The following LYPLAL1 variants were observed in gnomAD, a reference collection of about 807,000 sequenced individuals.
LYPLAL1 encodes lysophospholipase like 1, also known as lysophospholipase-like protein 1.
In LYPLAL1, 23 loss-of-function variants were observed where a neutral mutation model predicts 19.7. That is an observed-to-expected ratio of 1.17 (90% CI 0.84 to 1.65). The LOEUF (loss-of-function observed/expected upper bound fraction) is 1.65. Ranked by LOEUF, LYPLAL1 falls within the 40% of genes most tolerant of loss-of-function variation. The pLI is 0.00. For missense variants in LYPLAL1, 355 were observed against 279.4 expected, an observed-to-expected ratio of 1.27 and a Z score of -1.93; for synonymous variants, 119 against 96.3, an observed-to-expected ratio of 1.24 and a Z score of -1.38.
chr1:219,422,823 G>A, the LYPLAL1 span, among the ~76,000 whole-genome samples: 1 of 152,096 alleles, frequency 6.6e-6, no homozygotes, highest in African/African-American at 2.4e-5. Flanking sequence ...CTTAGGATAT[G>A]GAGTTACAGA....
the LYPLAL1 span, among the ~76,000 whole-genome samples, chr1:219,337,108 TG>T: frequency 1.8e-4 from 27 of 151,842 alleles, 1 homozygote; most frequent in South Asian, 5.6e-3. Context: ...CCTTAACTTC[TG>T]AATATCCTGC....
chr1:219,296,920 G>C, the LYPLAL1 span, among the ~76,000 whole-genome samples: 1 of 152,188 alleles, frequency 6.6e-6, no homozygotes, highest in African/African-American at 2.4e-5. Context: ...TCTTAAGCCA[G>C]GGTCTTTGGA....
chr1:219,425,668 T>C, the LYPLAL1 span, among the ~76,000 whole-genome samples: 1 of 152,182 alleles, frequency 6.6e-6, no homozygotes, highest in Non-Finnish European at 1.5e-5. Flanking sequence ...GAATTTAGTA[T>C]AGGACCTGGC....
chr1:219,215,713 G>A (rs1471850253), downstream of LYPLAL1, among the ~76,000 whole-genome samples: 1 of 152,098 alleles, frequency 6.6e-6, no homozygotes, highest in Non-Finnish European at 1.5e-5. Flanking sequence ...TCCCCTCCCT[G>A]TACTGTGGAC....
At chr1:219,259,613 G>A in the LYPLAL1 span, among the ~76,000 whole-genome samples, 1 of 151,364 alleles carries the variant, frequency 6.6e-6, no homozygotes, top group Non-Finnish European at 1.5e-5. Flanking sequence ...GCATAAGAAT[G>A]ATATAATGAA....
At chr1:219,356,463 G>C in the LYPLAL1 span, among the ~76,000 whole-genome samples, 5 of 152,276 alleles carry the variant, frequency 3.3e-5, no homozygotes, top group African/African-American at 1.2e-4. Flanking sequence ...TCACACCATT[G>C]CACTCCAGCC....
chr1:219,330,296 A>G, the LYPLAL1 span, among the ~76,000 whole-genome samples: 1 of 152,300 alleles, frequency 6.6e-6, no homozygotes, highest in African/African-American at 2.4e-5. Context: ...CTATAGAATA[A>G]GGGTGAGATA....
chr1:219,387,228 T>C, the LYPLAL1 span, among the ~76,000 whole-genome samples: 3 of 152,350 alleles, frequency 2.0e-5, no homozygotes, highest in East Asian at 5.8e-4. Flanking sequence ...TACACTTACC[T>C]ACCTAATTAT....
chr1:219,239,638 G>A, the LYPLAL1 span, among the ~76,000 whole-genome samples: 1 of 152,112 alleles, frequency 6.6e-6, no homozygotes, highest in Non-Finnish European at 1.5e-5. Flanking sequence ...TGAGATTTAG[G>A]TATTATATTC....
At chr1:219,174,251 C>T in intron 1 of LYPLAL1, 1 of 1,364,350 alleles carries the variant, frequency 7.3e-7, no homozygotes, top group Non-Finnish European at 9.5e-7. Flanking sequence ...CCTCCATCCC[C>T]ACAACACACC....
rs537315711 is a variant in LYPLAL1, at chr1:219,186,524, A to G, written c.192-6558A>G. Among the ~76,000 whole-genome samples, 3 of 84,852 alleles carry G rather than the reference A, an allele frequency of 3.5e-5. No individual in the cohort carries two copies. In the South Asian group the frequency reaches 1.5e-3, roughly 43 times the overall value. 55.7% of individuals were successfully genotyped at this position (84,852 alleles called of 152,430 possible). A position where few individuals can be genotyped will look rare whatever the true frequency, so the allele number is the denominator to read the frequency against. ...ATTATTAGGTGCATATTCATGTAGT[A>G]ATATTGTCTTTTTTATGGCTACTTT... On this transcript the variant is annotated intron_variant, in intron 2 of 4. Coordinates refer to ENST00000366928, the MANE Select transcript of LYPLAL1 (RefSeq NM_138794.5).
At chr1:219,330,829 T>C in the LYPLAL1 span, among the ~76,000 whole-genome samples, 393 of 152,348 alleles carry the variant, frequency 2.6e-3, 3 homozygotes, top group African/African-American at 8.1e-3. Context: ...GTGATCCACC[T>C]GCTGAGAAGA....
chr1:219,293,547 T>C, the LYPLAL1 span, among the ~76,000 whole-genome samples: 1 of 152,312 alleles, frequency 6.6e-6, no homozygotes, highest in South Asian at 2.1e-4. Context: ...TTTATTTAAA[T>C]ACGGAATCAA....
At chr1:219,189,165 T>C (rs2125054273) in intron 2 of LYPLAL1, among the ~76,000 whole-genome samples, 1 of 151,800 alleles carries the variant, frequency 6.6e-6, no homozygotes. Flanking sequence ...GCCACTTTTT[T>C]CCATTAATGG....
At chr1:219,231,776 G>A in the LYPLAL1 span, among the ~76,000 whole-genome samples, 1 of 152,096 alleles carries the variant, frequency 6.6e-6, no homozygotes, top group Non-Finnish European at 1.5e-5. Flanking sequence ...GACAAGCTCG[G>A]CATGCCTCCC....
the LYPLAL1 span, among the ~76,000 whole-genome samples, chr1:219,301,186 TA>T: frequency 0.3 from 44,963 of 152,150 alleles, 6,814 homozygotes; most frequent in Admixed American, 0.34. Context: ...TTACATTACA[TA>T]AATCTACTCA....
At position 219,206,153 on chromosome 1, in the gene LYPLAL1, T is replaced by C. The variant is rs79157344; in HGVS notation, c.362-4379T>C. On this transcript the variant is annotated intron_variant, in intron 3 of 4. Transcript: ENST00000366928. ...ATTGATTATCTTAATGTTCCTAATATAGTCTTTTTATAGATTGTTTCTGTT... is the reference window on the plus strand; with the variant it reads ...ATTGATTATCTTAATGTTCCTAATACAGTCTTTTTATAGATTGTTTCTGTT... Among the ~76,000 whole-genome samples the C allele has an allele frequency of 5.8e-4, 89 of 152,272 alleles. 1 individual carries two copies. The East Asian group carries it at 0.016, about 27-fold the overall frequency.
the LYPLAL1 span, among the ~76,000 whole-genome samples, chr1:219,384,665 G>A: frequency 6.6e-6 from 1 of 152,200 alleles, no homozygotes. Context: ...GTCAAGTATA[G>A]TATAATACCA....
the LYPLAL1 span, among the ~76,000 whole-genome samples, chr1:219,438,990 A>G: frequency 6.6e-6 from 1 of 152,206 alleles, no homozygotes; most frequent in African/African-American, 2.4e-5. Flanking sequence ...CCTACCTGAT[A>G]TATAAGATGT....
Sources: allele counts gnomAD v4.1 joint callset (sites outside exome capture counted in the v4.1 genomes callset), GRCh38; gene constraint gnomAD v4.1.1; transcripts MANE v1.5; gene names NCBI Gene and HGNC (gene_info 2026-07-23, HGNC 2026-07-21).